ANP32A: variants seen among roughly 807,000 people sequenced by gnomAD.
ANP32A encodes the protein acidic leucine-rich nuclear phosphoprotein 32 family member A.
A neutral mutation model predicts 33.9 loss-of-function variants in ANP32A; 1 was observed. The ratio of observed to expected loss-of-function variants is 0.03; its 90% CI spans 0.01 to 0.14. The LOEUF is 0.14. Among genes scored for constraint, ANP32A ranks in the 10% least tolerant of loss-of-function variants. The probability of loss-of-function intolerance (pLI) is 1.00; values close to 1 mark genes in which losing one functional copy is unlikely to be tolerated. For missense variants in ANP32A, 155 were observed against 306.0 expected (o/e 0.51, Z 3.68); for synonymous variants, 115 against 120.5 (o/e 0.95, Z 0.30).
intron 4 of ANP32A, 82 bp downstream of exon 4, chr15:68,784,315 C>T: frequency 6.6e-7 from 1 of 1,506,022 alleles, no homozygotes. Context: ...AACACCCAGC[C>T]CACCCACCTC....
At chr15:68,787,254 A>G (rs1893944185) in intron 3 of ANP32A, 159 bp downstream of exon 3, 1 of 1,052,562 alleles carries the variant, frequency 9.5e-7, no homozygotes, top group Non-Finnish European at 1.4e-6. Context: ...CAGTTTCTCT[A>G]TGGACTCAGC....
intron 1 of ANP32A, 78 bp downstream of exon 1, chr15:68,820,620 T>TC (rs1463758552): frequency 3.0e-6 from 2 of 660,392 alleles, no homozygotes; most frequent in Non-Finnish European, 3.9e-6. Flanking sequence ...AAAAAGTGCC[T>TC]CCCCCCAGCG....
chr15:68,798,619 C>T lies in ANP32A; in HGVS notation c.55-10700G>A, dbSNP rs115959757. 4.9e-3 allele frequency among the ~76,000 whole-genome samples: 752 copies of T among 152,274 alleles called. 5 individuals carry two copies. Among genetic ancestry groups the T allele is most frequent in the African/African-American group, 0.014 (597 of 41,542 alleles). Reference sequence around the variant, plus strand: ...CAAGACTCCAAACTTAGGGCCCACACCCTCAAAGTCACAGGACTCTCCATC... The same window carrying T: ...CAAGACTCCAAACTTAGGGCCCACATCCTCAAAGTCACAGGACTCTCCATC... On this transcript the variant is annotated intron_variant, in intron 1 of 6. Transcript: ENST00000465139.
intron 1 of ANP32A, among the ~76,000 whole-genome samples, chr15:68,809,193 G>C (rs1309183527): frequency 6.6e-6 from 1 of 152,174 alleles, no homozygotes; most frequent in African/African-American, 2.4e-5. Flanking sequence ...CACGGCAGTG[G>C]AGCCTTGATT....
In ANP32A at chr15:68,780,614, G is replaced by A. The variant is rs2140358103; in HGVS notation, c.625-141C>T. 7.3e-7 allele frequency: 1 copy of A among 1,379,288 alleles called. No individual in the cohort carries two copies. Among genetic ancestry groups the A allele is most frequent in the East Asian group, 2.5e-5 (1 of 39,938 alleles). The allele number at this position is 1,379,288 out of a possible 1,614,324, so 85.4% of individuals were successfully genotyped here. A position where few individuals can be genotyped will look rare whatever the true frequency, so the allele number is the denominator to read the frequency against. On this transcript the variant is annotated intron_variant, in intron 5 of 6. Coordinates refer to ENST00000465139, the MANE Select transcript of ANP32A (RefSeq NM_006305.4). This position sits in a 1 kb window ranked among gnomAD's most constrained non-coding sequence, Gnocchi z 4.3. ...CAAGACTTGACATCTCGGGAGGAAT[G>A]TAAAGCAGAGGTTCTTAATTTATTT...
intron 1 of ANP32A, among the ~76,000 whole-genome samples, chr15:68,808,542 T>C (rs779128713): frequency 6.6e-6 from 1 of 152,232 alleles, no homozygotes; most frequent in Non-Finnish European, 1.5e-5. Context: ...CCTTGTCTCA[T>C]TCCCGATGCT....
At chr15:68,782,064 C>T (rs1468931299) in intron 5 of ANP32A, among the ~76,000 whole-genome samples, 6 of 152,272 alleles carry the variant, frequency 3.9e-5, no homozygotes, top group South Asian at 4.1e-4. Context: ...GGGACACAGG[C>T]GCCTTGTCCA....
Position 68,787,499 on chromosome 15 carries a change from C to G in ANP32A, c.241G>C (p.Glu81Gln). The change falls in exon 3 of 7, where the codon GAA (glutamate) becomes CAA (glutamine). Residue 81 changes from glutamate (E) to glutamine (Q), a missense_variant. Glu to Gln is a conservative substitution (Grantham distance 29). Coordinates refer to ENST00000465139, the MANE Select transcript of ANP32A (RefSeq NM_006305.4). ...LSDNRVSGGL[E>Q]VLAEKCPNLT... ...TTCGGACACTTTTCTGCCAATACTTCCAGGCCCCCTGAGACTCTGTTATCG... is the reference window on the plus strand; with the variant it reads ...TTCGGACACTTTTCTGCCAATACTTGCAGGCCCCCTGAGACTCTGTTATCG... 6.2e-7 allele frequency: 1 copy of G among 1,614,194 alleles called. No individual in the cohort carries two copies. Among genetic ancestry groups the G allele is most frequent in the Non-Finnish European group, 8.5e-7 (1 of 1,180,044 alleles).
At position 68,820,789 on chromosome 15, in the gene ANP32A, C is replaced by G. The variant is rs1450320920; in HGVS notation, c.-38G>C. ...CTCTCTGCAGAGGCTCCCGCGCCGG[C>G]GGAATTCAATCAATAAACCCCGAAC... is the stretch of plus-strand genomic sequence containing the variant. On this transcript the variant is annotated 5_prime_UTR_variant, in exon 1 of 7. Coordinates refer to ENST00000465139, the MANE Select transcript of ANP32A (RefSeq NM_006305.4). 6.2e-7 allele frequency: 1 copy of G among 1,613,404 alleles called. No homozygotes were observed. The highest frequency in any genetic ancestry group is 1.1e-5 in the South Asian group (1 of 91,062).
intron 1 of ANP32A, among the ~76,000 whole-genome samples, chr15:68,820,208 G>T (rs1894452673): frequency 6.6e-6 from 1 of 152,150 alleles, no homozygotes; most frequent in African/African-American, 2.4e-5. Context: ...GAGAGAAAGG[G>T]AGGGGGGAGG....
intron 1 of ANP32A, among the ~76,000 whole-genome samples, chr15:68,808,989 T>C (rs1047806991): frequency 2.0e-5 from 3 of 152,154 alleles, no homozygotes; most frequent in Non-Finnish European, 4.4e-5. Context: ...CACTCCAAGA[T>C]AACTAGGAGA....
At chr15:68,803,952 C>T (rs1022050715) in intron 1 of ANP32A, among the ~76,000 whole-genome samples, 1 of 151,858 alleles carries the variant, frequency 6.6e-6, no homozygotes, top group Non-Finnish European at 1.5e-5. Context: ...CAGGCGTGCA[C>T]CACCAAGCCC....
At chr15:68,816,191 T>C (rs1223405069) in intron 1 of ANP32A, among the ~76,000 whole-genome samples, 1 of 152,172 alleles carries the variant, frequency 6.6e-6, no homozygotes, top group Non-Finnish European at 1.5e-5. Flanking sequence ...AGAAAACTCA[T>C]TCTCTTTCTA....
At chr15:68,799,652 G>T (rs1409829692) in intron 1 of ANP32A, among the ~76,000 whole-genome samples, 1 of 152,184 alleles carries the variant, frequency 6.6e-6, no homozygotes, top group African/African-American at 2.4e-5. Context: ...AGGCTGTGCT[G>T]ATAGGAACAC....
chr15:68,811,270 G>C (rs767642357), intron 1 of ANP32A, among the ~76,000 whole-genome samples: 19 of 152,078 alleles, frequency 1.2e-4, no homozygotes, highest in Non-Finnish European at 1.5e-4. Flanking sequence ...TAACTACAGC[G>C]CAACACGGGA....
chr15:68,814,463 AAAAG>A (rs1321486136), intron 1 of ANP32A, among the ~76,000 whole-genome samples: 3 of 152,100 alleles, frequency 2.0e-5, no homozygotes, highest in Non-Finnish European at 2.9e-5. Context: ...AAGAAAAAAA[AAAAG>A]AAAGATGGCC....
At chr15:68,786,237 G>GTGCTGCTGC (rs540138167) in intron 3 of ANP32A, among the ~76,000 whole-genome samples, 1 of 149,238 alleles carries the variant, frequency 6.7e-6, no homozygotes, top group African/African-American at 2.5e-5. Context: ...GATGCCTGAG[G>GTGCTGCTGC]TGCTGCTGCT....
chr15:68,817,787 G>C (rs1894405486), intron 1 of ANP32A: 1 of 152,154 alleles, frequency 6.6e-6, no homozygotes, highest in Non-Finnish European at 1.5e-5. Flanking sequence ...AACCCCCATC[G>C]GGGCTCATAG....
intron 3 of ANP32A, among the ~76,000 whole-genome samples, chr15:68,786,249 CTGCTTTTT>C (rs1404490643): frequency 1.4e-5 from 2 of 142,502 alleles, no homozygotes; most frequent in African/African-American, 5.4e-5. Flanking sequence ...GCTGCTGCTG[CTGCTTTTT>C]TTTTTTTTTT....
Sources: gnomAD v4.1 joint callset for allele counts (sites outside exome capture counted in the v4.1 genomes callset) on GRCh38, gnomAD v4.1.1 for gene constraint, Gnocchi (gnomAD v3.1) non-coding constraint, MANE v1.5 for transcripts, NCBI Gene and HGNC (gene_info 2026-07-23, HGNC 2026-07-21) for gene names.